ARHGAP22: variants seen among roughly 807,000 people sequenced by gnomAD.
ARHGAP22 encodes the protein Rho GTPase activating protein 22.
Under a neutral mutation model 59.1 loss-of-function variants are expected in ARHGAP22, and 48 were observed. The observed-to-expected ratio is 0.81, with a 90% CI of 0.64 to 1.03. The LOEUF (loss-of-function observed/expected upper bound fraction) is 1.03. Among genes scored for constraint, ARHGAP22 ranks in the 50% least tolerant of loss-of-function variants. The probability of loss-of-function intolerance (pLI) is 0.00; values close to 1 mark genes in which losing one functional copy is unlikely to be tolerated. For missense variants in ARHGAP22, 1,015 were observed against 958.7 expected (o/e 1.06, Z -0.78); for synonymous variants, 445 against 416.4 (o/e 1.07, Z -0.84).
At chr10:48,645,625 CA>C (rs2062261843) in intron 1 of ARHGAP22, among the ~76,000 whole-genome samples, 1 of 152,134 alleles carries the variant, frequency 6.6e-6, no homozygotes, top group South Asian at 2.1e-4. Context: ...CAACTCTCAA[CA>C]AACTAGGAGT....
chr10:48,557,812 G>A (rs761684017), intron 2 of ARHGAP22, among the ~76,000 whole-genome samples: 2 of 152,212 alleles, frequency 1.3e-5, no homozygotes, highest in Non-Finnish European at 2.9e-5. Context: ...CCTCCCACAG[G>A]TCAAGAATGT....
At chr10:48,453,503 G>A (rs1182032307) in intron 7 of ARHGAP22, 78 bp from the exon 8 acceptor site, 28 of 1,581,250 alleles carry the variant, frequency 1.8e-5, no homozygotes, top group Non-Finnish European at 2.1e-5. Flanking sequence ...TGGACGCACC[G>A]CCACACCCCT....
intron 3 of ARHGAP22, among the ~76,000 whole-genome samples, chr10:48,530,613 C>T (rs947108749): frequency 6.6e-6 from 1 of 151,936 alleles, no homozygotes; most frequent in Admixed American, 6.6e-5. Flanking sequence ...GCTAAGGACA[C>T]GAACAAACAA....
At position 48,651,933 on chromosome 10, in the gene ARHGAP22, C is replaced by T. The variant is rs78939376; in HGVS notation, c.52+301G>A. 5.8e-4 allele frequency among the ~76,000 whole-genome samples: 89 copies of T among 152,266 alleles called. 1 individual carries two copies. In the East Asian group the frequency reaches 0.014, roughly 23 times the overall value. ...GTGAAGGACTTGCCTACTGCCCCAGCGGTCCTTGGACATAGGAGTCCTTAC... is the reference window on the plus strand; with the variant it reads ...GTGAAGGACTTGCCTACTGCCCCAGTGGTCCTTGGACATAGGAGTCCTTAC... On this transcript the variant is annotated intron_variant, in intron 1 of 9. Coordinates refer to the ARHGAP22 transcript ENST00000435790.
chr10:48,473,144 A>G (rs1261453814), intron 4 of ARHGAP22, among the ~76,000 whole-genome samples: 1 of 152,258 alleles, frequency 6.6e-6, no homozygotes, highest in Non-Finnish European at 1.5e-5. Context: ...TATCCATACA[A>G]TGGAATATTA....
chr10:48,555,122 G>T (rs755002714), intron 3 of ARHGAP22, among the ~76,000 whole-genome samples: 19 of 152,102 alleles, frequency 1.2e-4, no homozygotes, highest in Non-Finnish European at 2.9e-5. Context: ...AAATATTCTT[G>T]ATCTGTGCTA....
At chr10:48,432,479 GA>G in the ARHGAP22 span, among the ~76,000 whole-genome samples, 1 of 152,030 alleles carries the variant, frequency 6.6e-6, no homozygotes, top group Admixed American at 6.6e-5. Flanking sequence ...ACCTATTTTG[GA>G]AATGGCCTTT....
At chr10:48,557,783 G>A (rs115833082) in intron 2 of ARHGAP22, among the ~76,000 whole-genome samples, 51 of 152,322 alleles carry the variant, frequency 3.3e-4, no homozygotes, top group South Asian at 2.5e-3. Context: ...ACTGGCCCTC[G>A]GCTGCCCAGA....
the ARHGAP22 span, chr10:48,435,555 A>G: frequency 6.6e-6 from 1 of 152,258 alleles, no homozygotes; most frequent in Non-Finnish European, 1.5e-5. Flanking sequence ...AGGAATAACT[A>G]CTGTAAATGA....
At chr10:48,610,111 G>A (rs534863470) in intron 1 of ARHGAP22, among the ~76,000 whole-genome samples, 19 of 152,232 alleles carry the variant, frequency 1.2e-4, no homozygotes, top group East Asian at 9.7e-4. Context: ...GTCTGTCTCC[G>A]CCCTTTGGCT....
intron 1 of ARHGAP22, among the ~76,000 whole-genome samples, chr10:48,617,614 T>G (rs2061131983): frequency 6.6e-6 from 1 of 151,920 alleles, no homozygotes; most frequent in Non-Finnish European, 1.5e-5. Flanking sequence ...AATGGATTGA[T>G]AAAGACATTT....
At chr10:48,490,528 T>C (rs537623535) in intron 3 of ARHGAP22, among the ~76,000 whole-genome samples, 1 of 152,328 alleles carries the variant, frequency 6.6e-6, no homozygotes, top group Non-Finnish European at 1.5e-5. Context: ...CTAAATGACT[T>C]ACAATTCTAT....
At chr10:48,436,206 T>A in the ARHGAP22 span, 16 of 152,376 alleles carry the variant, frequency 1.1e-4, no homozygotes, top group African/African-American at 3.8e-4. Flanking sequence ...TTCTAAGGAC[T>A]GTTTCTTCAC....
chr10:48,470,391 C>T (rs1055035000), intron 4 of ARHGAP22, among the ~76,000 whole-genome samples: 1 of 152,196 alleles, frequency 6.6e-6, no homozygotes, highest in African/African-American at 2.4e-5. Context: ...TGTGGCTGTC[C>T]CATCAGCAGG....
chr10:48,625,586 C>T (rs1026959245), intron 1 of ARHGAP22, among the ~76,000 whole-genome samples: 10 of 152,092 alleles, frequency 6.6e-5, no homozygotes, highest in Non-Finnish European at 1.0e-4. Context: ...GCATTTTCAC[C>T]CTGAAACACT....
chr10:48,589,012 T>C (rs1310429168), intron 1 of ARHGAP22, among the ~76,000 whole-genome samples: 3 of 152,174 alleles, frequency 2.0e-5, no homozygotes, highest in Admixed American at 1.3e-4. Flanking sequence ...TTGCAATCTT[T>C]TGGCTCACAT....
At chr10:48,607,403 T>C (rs2060718233), upstream of ARHGAP22, among the ~76,000 whole-genome samples, 1 of 152,164 alleles carries the variant, frequency 6.6e-6, no homozygotes, top group South Asian at 2.1e-4. Context: ...GTGGGCAAAG[T>C]AGCTCTTTTC....
intron 1 of ARHGAP22, among the ~76,000 whole-genome samples, chr10:48,646,672 TCAAA>T (rs904154650): frequency 2.4e-4 from 36 of 152,128 alleles, no homozygotes; most frequent in African/African-American, 8.4e-4. Flanking sequence ...CAAAAACCCT[TCAAA>T]CAAACAAGCA....
chr10:48,596,818 C>T (rs1488614282), intron 1 of ARHGAP22, among the ~76,000 whole-genome samples: 1 of 152,148 alleles, frequency 6.6e-6, no homozygotes, highest in Non-Finnish European at 1.5e-5. Flanking sequence ...CCTTAGCCAT[C>T]AGAGACATGG....
Sources: allele counts gnomAD v4.1 joint callset (sites outside exome capture counted in the v4.1 genomes callset), GRCh38; gene constraint gnomAD v4.1.1; transcripts MANE v1.5; gene names NCBI Gene and HGNC (gene_info 2026-07-23, HGNC 2026-07-21).